DCDC2: variants seen among roughly 807,000 people sequenced by gnomAD.
DCDC2 encodes doublecortin domain containing 2.
A neutral mutation model predicts 50.2 loss-of-function variants in DCDC2; 40 were observed. The ratio of observed to expected loss-of-function variants is 0.80; its 90% confidence interval spans 0.62 to 1.04. The LOEUF (loss-of-function observed/expected upper bound fraction) is 1.04, where lower values mean the gene tolerates loss of function less well. Among genes scored for constraint, DCDC2 ranks in the 50% least tolerant of loss-of-function variants. DCDC2 has a pLI of 0.00. For synonymous variants in DCDC2, 234 were observed against 210.6 expected (o/e 1.11, Z -0.96); for missense variants, 570 against 581.9 (o/e 0.98, Z 0.21).
At position 24,199,842 on chromosome 6, in the gene DCDC2, A is replaced by G. The variant is rs1246372905; in HGVS notation, c.1023+5160T>C. On this transcript the variant is annotated intron_variant, in intron 8 of 9. Transcript: ENST00000378454. ...AAATGACCTGATGGAGCTGAAAAAC[A>G]CAGCAAAAGAACTTCGTGAAACATA... is the stretch of plus-strand genomic sequence containing the variant. Among the ~76,000 whole-genome samples the G allele has an allele frequency of 2.0e-5, 3 of 152,336 alleles. No individual in the cohort carries two copies. The South Asian group carries it at 6.2e-4, about 32-fold the overall frequency.
intron 6 of DCDC2, among the ~76,000 whole-genome samples, chr6:24,282,268 ACT>A (rs1305166257): frequency 1.3e-5 from 2 of 150,198 alleles, no homozygotes; most frequent in South Asian, 2.1e-4. Context: ...TTTTTTTGAG[ACT>A]CTCACCCTAC....
At chr6:24,359,445 G>GTATATATAT (rs1760613528), upstream of DCDC2, among the ~76,000 whole-genome samples, 1 of 30,446 alleles carries the variant, frequency 3.3e-5, no homozygotes. Flanking sequence ...ATACTATATA[G>GTATATATAT]TATATATATT....
chr6:24,220,122 G>C (rs1018539231), intron 7 of DCDC2, among the ~76,000 whole-genome samples: 3 of 152,110 alleles, frequency 2.0e-5, no homozygotes, highest in Non-Finnish European at 4.4e-5. Context: ...AGGTAAAGAG[G>C]GTTGGTAGAA....
intron 7 of DCDC2, among the ~76,000 whole-genome samples, chr6:24,245,286 G>A (rs192229452): frequency 4.2e-4 from 64 of 152,290 alleles, no homozygotes; most frequent in African/African-American, 1.5e-3. Context: ...GCGGCTGGGA[G>A]CTAGGATTTT....
chr6:24,371,659 A>G, the DCDC2 span, among the ~76,000 whole-genome samples: 1 of 152,218 alleles, frequency 6.6e-6, no homozygotes, highest in South Asian at 2.1e-4. Flanking sequence ...CTGCACAGCA[A>G]AAGATACTAC....
chr6:24,283,507 A>T (rs1247859316), intron 6 of DCDC2, among the ~76,000 whole-genome samples: 1 of 151,754 alleles, frequency 6.6e-6, no homozygotes, highest in Non-Finnish European at 1.5e-5. Flanking sequence ...AATTCCTAGA[A>T]AGCCATGTAG....
At chr6:24,251,090 C>G (rs1581611847) in intron 7 of DCDC2, among the ~76,000 whole-genome samples, 1 of 152,202 alleles carries the variant, frequency 6.6e-6, no homozygotes, top group South Asian at 2.1e-4. Context: ...TGCTATGACA[C>G]AGTAGGAAGA....
At chr6:24,197,211 A>T (rs1466469763) in intron 8 of DCDC2, among the ~76,000 whole-genome samples, 1 of 152,242 alleles carries the variant, frequency 6.6e-6, no homozygotes, top group Non-Finnish European at 1.5e-5. Flanking sequence ...TAAGAAATCA[A>T]GCCCTGCAGA....
chr6:24,240,779 TCC>T (rs2113791180), intron 7 of DCDC2, among the ~76,000 whole-genome samples: 1 of 152,230 alleles, frequency 6.6e-6, no homozygotes, highest in Non-Finnish European at 1.5e-5. Context: ...AGCAAATCAA[TCC>T]CTTAGATGGC....
rs780304754 is a variant in DCDC2, at chr6:24,357,636, T to A, written c.115A>T (p.Lys39Ter). ...AAGACTTCGAAGCTGGACACCTTCT[T>A]CTCATGGATGACGACGCGGCGCCCC... ...YAGRRVVIHEKKVSSFEVFLK... is the reference protein window; with the variant it reads ...YAGRRVVIHE Residue 39 changes from lysine to a stop codon, truncating the protein, a stop_gained, in exon 1 of 10, where the codon AAG becomes TAG. Transcript: ENST00000378454. LOFTEE classifies it high-confidence loss of function. 1 of 1,613,468 alleles carries A rather than the reference T, an allele frequency of 6.2e-7. No homozygotes were observed. Among genetic ancestry groups the A allele is most frequent in the East Asian group, 2.2e-5 (1 of 44,882 alleles).
the DCDC2 span, among the ~76,000 whole-genome samples, chr6:24,363,156 G>T: frequency 6.6e-6 from 1 of 152,070 alleles, no homozygotes; most frequent in Non-Finnish European, 1.5e-5. Context: ...GAATGAGAGA[G>T]ATGGCCAAAG....
At chr6:24,243,289 C>G (rs1200846367) in intron 7 of DCDC2, among the ~76,000 whole-genome samples, 1 of 152,188 alleles carries the variant, frequency 6.6e-6, no homozygotes, top group Admixed American at 6.5e-5. Flanking sequence ...ATAACAGAGT[C>G]TTACTCTCAC....
intron 7 of DCDC2, among the ~76,000 whole-genome samples, chr6:24,233,667 G>A (rs2113785165): frequency 6.6e-6 from 1 of 152,260 alleles, no homozygotes; most frequent in African/African-American, 2.4e-5. Context: ...ATTTAGGAAA[G>A]AACACAGTAA....
rs142370947 is a variant in DCDC2, at chr6:24,327,385, G to T, written c.349-25341C>A. On this transcript the variant is annotated intron_variant, in intron 2 of 9. Transcript: ENST00000378454. The stretch of plus-strand genomic sequence containing the variant: ...TTTAGCAACTGTCAGCATGTAATGT[G>T]TCTGCATTTCATATATATAATTAGT... 8.0e-4 allele frequency among the ~76,000 whole-genome samples: 120 copies of T among 149,488 alleles called. 7 individuals are homozygous for T. The highest frequency in any genetic ancestry group is 1.0e-3 in the Non-Finnish European group (68 of 67,226).
At chr6:24,277,246 C>A (rs1763379464) in intron 7 of DCDC2, among the ~76,000 whole-genome samples, 1 of 129,588 alleles carries the variant, frequency 7.7e-6, no homozygotes, top group Middle Eastern at 3.9e-3. Flanking sequence ...TTCCTGGAAC[C>A]CCTCACAGTC....
chr6:24,274,633 GAA>G (rs1763312396), intron 7 of DCDC2, among the ~76,000 whole-genome samples: 1 of 116,500 alleles, frequency 8.6e-6, no homozygotes, highest in African/African-American at 3.2e-5. Context: ...AAAAAAAGAA[GAA>G]AAGAAAAGAA....
intron 7 of DCDC2, among the ~76,000 whole-genome samples, chr6:24,251,931 A>G (rs149610604): frequency 6.6e-6 from 1 of 152,236 alleles, no homozygotes; most frequent in Non-Finnish European, 1.5e-5. Context: ...ATCATCTCCA[A>G]TGCCTTGCCT....
intron 4 of DCDC2, among the ~76,000 whole-genome samples, chr6:24,296,366 TA>T (rs1759240888): frequency 6.6e-6 from 1 of 151,990 alleles, no homozygotes; most frequent in South Asian, 2.1e-4. Flanking sequence ...CGCAAAACTA[TA>T]AAAGCCCTGG....
At chr6:24,320,171 T>C (rs926931661) in intron 2 of DCDC2, among the ~76,000 whole-genome samples, 3 of 152,158 alleles carry the variant, frequency 2.0e-5, no homozygotes, top group African/African-American at 7.2e-5. Flanking sequence ...AGTAAACCAA[T>C]ACATAAATGT....
Sources: gnomAD v4.1 joint callset for allele counts (sites outside exome capture counted in the v4.1 genomes callset) on GRCh38, gnomAD v4.1.1 for gene constraint, MANE v1.5 for transcripts, NCBI Gene and HGNC (gene_info 2026-07-23, HGNC 2026-07-21) for gene names.